The following GFRA2 variants were observed in gnomAD, a reference collection of about 807,000 sequenced individuals.
GFRA2 encodes GDNF family receptor alpha 2, also known as GDNF family receptor alpha-2.
GFRA2 carries 17 observed loss-of-function variants against 48.3 expected under a neutral mutation model. The observed-to-expected ratio is 0.35, with a 90% CI of 0.24 to 0.53. The LOEUF (loss-of-function observed/expected upper bound fraction) is 0.53, where lower values mean the gene tolerates loss of function less well. Among genes scored for constraint, GFRA2 ranks in the 20% least tolerant of loss-of-function variants. The pLI is 0.93. For synonymous variants in GFRA2, 305 were observed against 257.2 expected (o/e 1.19, Z -1.78); for missense variants, 660 against 637.3 (o/e 1.04, Z -0.38).
chr8:21,707,919 C>T (rs1802829462), intron 4 of GFRA2, among the ~76,000 whole-genome samples: 1 of 152,210 alleles, frequency 6.6e-6, no homozygotes, highest in African/African-American at 2.4e-5. Flanking sequence ...TCATTTAACC[C>T]TCACAAATGC....
At chr8:21,727,536 CG>C (rs1803934248) in intron 4 of GFRA2, among the ~76,000 whole-genome samples, 1 of 152,194 alleles carries the variant, frequency 6.6e-6, no homozygotes, top group African/African-American at 2.4e-5. Flanking sequence ...CTCCCCATCA[CG>C]GCCCCCCCCA....
chr8:21,714,246 C>CTTTTTTTTTTTTTTT (rs10674628), intron 4 of GFRA2, among the ~76,000 whole-genome samples: 9 of 78,402 alleles, frequency 1.1e-4, no homozygotes, highest in Non-Finnish European at 1.6e-4. Context: ...GTCTGAAGTT[C>CTTTTTTTTTTTTTTT]TTTTTTTTTT....
intron 8 of GFRA2, 50 bp downstream of exon 8, chr8:21,694,411 GCCC>G: frequency 6.5e-7 from 1 of 1,527,344 alleles, no homozygotes; most frequent in Non-Finnish European, 9.0e-7. Context: ...GGGAAATGCC[GCCC>G]CCCACCGGCC....
At position 21,703,021 on chromosome 8, in the gene GFRA2, G is replaced by A. The variant is rs370347582; in HGVS notation, c.1046-44C>T. ...CAGATGCAGAGAAGTCAGAACCCACGTCCGTCACTCCTGTCCCTGCTCCTC... is the reference window on the plus strand; with the variant it reads ...CAGATGCAGAGAAGTCAGAACCCACATCCGTCACTCCTGTCCCTGCTCCTC... On this transcript the variant is annotated intron_variant, in intron 6 of 8. Coordinates refer to ENST00000524240, the MANE Select transcript of GFRA2 (RefSeq NM_001495.5). 379 of 1,265,540 alleles carry A rather than the reference G, an allele frequency of 3.0e-4. 2 individuals carry two copies. Among genetic ancestry groups the A allele is most frequent in the Non-Finnish European group, 3.6e-4 (337 of 935,536 alleles). The allele number at this position is 1,265,540 out of a possible 1,614,324, so 78.4% of individuals were successfully genotyped here.
At chr8:21,722,577 T>C (rs768623800) in intron 4 of GFRA2, among the ~76,000 whole-genome samples, 7 of 152,148 alleles carry the variant, frequency 4.6e-5, no homozygotes, top group African/African-American at 1.7e-4. Flanking sequence ...GGAGAGAACA[T>C]GGGCCCTTGG....
At chr8:21,711,057 A>T in intron 4 of GFRA2, among the ~76,000 whole-genome samples, 1 of 152,062 alleles carries the variant, frequency 6.6e-6, no homozygotes, top group East Asian at 1.9e-4. Flanking sequence ...TCCAGCCATG[A>T]CCCCTCGCCC....
In GFRA2 at chr8:21,704,037, G is replaced by A. The variant is rs114706440; in HGVS notation, c.1045+948C>T. On this transcript the variant is annotated intron_variant, in intron 6 of 8. Coordinates refer to ENST00000524240, the MANE Select transcript of GFRA2 (RefSeq NM_001495.5). ...AAATGCCTCAGGCCTGCAAGGCCCT[G>A]CATGACAAGGATGCTATCTACCTGT... Among the ~76,000 whole-genome samples, 591 of 152,372 alleles carry A rather than the reference G, an allele frequency of 3.9e-3. 4 individuals carry two copies. Among genetic ancestry groups the A allele is most frequent in the African/African-American group, 0.014 (571 of 41,594 alleles).
intron 4 of GFRA2, among the ~76,000 whole-genome samples, chr8:21,728,100 C>T (rs1803972976): frequency 6.6e-6 from 1 of 151,976 alleles, no homozygotes; most frequent in Admixed American, 6.5e-5. Context: ...CCACAGGCCA[C>T]CACACAGCAC....
chr8:21,767,959 AG>A (rs1806259644), intron 3 of GFRA2, among the ~76,000 whole-genome samples: 4 of 18,702 alleles, frequency 2.1e-4, no homozygotes, highest in Admixed American at 5.6e-4. Flanking sequence ...TGGCGTTGAC[AG>A]AGAGAGAGAG....
Position 21,775,050 on chromosome 8 carries a change from C to G in GFRA2, c.361G>C (p.Glu121Gln). The G allele has an allele frequency of 6.4e-7, 1 of 1,565,710 alleles. No homozygotes were observed. Among genetic ancestry groups the G allele is most frequent in the East Asian group, 2.2e-5 (1 of 44,536 alleles). ...SIHLGLTEGE[E>Q]FYEASPYEPV... ...TCATAGGGGGAGGCTTCGTAGAACT[C>G]CTCACCTGGAAGACAGAACAGGCAT... is the stretch of plus-strand genomic sequence containing the variant. Residue 121 changes from glutamate to glutamine, a missense_variant, in exon 3 of 9, where the codon GAG becomes CAG. Coordinates refer to ENST00000524240, the MANE Select transcript of GFRA2 (RefSeq NM_001495.5).
At chr8:21,787,697 C>T (rs779467447) in intron 1 of GFRA2, among the ~76,000 whole-genome samples, 6 of 152,266 alleles carry the variant, frequency 3.9e-5, no homozygotes, top group Non-Finnish European at 7.3e-5. Context: ...GAAAGGCGGA[C>T]CCCGCAGGAC....
At chr8:21,724,116 G>C (rs1349422906) in intron 4 of GFRA2, among the ~76,000 whole-genome samples, 3 of 152,270 alleles carry the variant, frequency 2.0e-5, no homozygotes, top group Admixed American at 1.3e-4. Context: ...GAGTGAACCA[G>C]GATGACTACC....
intron 4 of GFRA2, among the ~76,000 whole-genome samples, chr8:21,740,985 G>A (rs948944202): frequency 1.1e-4 from 17 of 152,308 alleles, no homozygotes; most frequent in African/African-American, 4.1e-4. Context: ...GGGCTGAGTG[G>A]CCATCATCTC....
At chr8:21,804,200 G>GCACACACACACACACACA (rs146613602) in intron 2 of GFRA2, among the ~76,000 whole-genome samples, 3 of 145,048 alleles carry the variant, frequency 2.1e-5, no homozygotes, top group Non-Finnish European at 4.6e-5. Context: ...ATACATACAT[G>GCACACACACACACACACA]CACACACACA....
intron 4 of GFRA2, among the ~76,000 whole-genome samples, chr8:21,714,300 G>A (rs1803226243): frequency 8.4e-6 from 1 of 119,380 alleles, no homozygotes; most frequent in Non-Finnish European, 1.6e-5. Context: ...CGCCAAGGCT[G>A]GGCAGTGGCA....
intron 7 of GFRA2, among the ~76,000 whole-genome samples, chr8:21,702,035 C>A (rs1802506975): frequency 6.6e-6 from 1 of 152,182 alleles, no homozygotes. Context: ...GTCTGGAGGA[C>A]CTGACAGATG....
Position 21,704,995 on chromosome 8 carries a change from G to A in GFRA2, c.1035C>T (p.Asn345=). The A allele has an allele frequency of 1.2e-6, 2 of 1,610,338 alleles. No homozygotes were observed. Among genetic ancestry groups the A allele is most frequent in the Non-Finnish European group, 1.7e-6 (2 of 1,178,804 alleles). The part of the protein sequence containing the change: ...CEKFLRDFTE[N]PCLRNAIQAF... ...ACATCCAGAACTTACGGAGGCATGG[G>A]TTCTCGGTGAAGTCCCTGAGGAACT... The change falls in exon 6 of 9, where the codon AAC becomes AAT. Residue 345 remains asparagine, a synonymous_variant. Transcript: ENST00000524240.
At chr8:21,757,506 C>CTTTT (rs5889999) in intron 3 of GFRA2, among the ~76,000 whole-genome samples, 3 of 145,736 alleles carry the variant, frequency 2.1e-5, no homozygotes, top group Admixed American at 6.7e-5. Flanking sequence ...TTCCTTAATC[C>CTTTT]TTTTTTTTGA....
rs562740928 is a variant in GFRA2, at chr8:21,808,403, G to GC, written c.-147-3276dup. Among the ~76,000 whole-genome samples, 6 of 152,300 alleles carry GC rather than the reference G, an allele frequency of 3.9e-5. No individual in the cohort carries two copies. The South Asian group carries it at 1.2e-3, about 32-fold the overall frequency. On this transcript the variant is annotated intron_variant, in intron 1 of 10. Transcript: ENST00000517328. ...AGTCTCATTTTATCCTTCCAGCATT[G>GC]CTATGATGGAGGAGGGTTGTTATGA...
Sources: allele counts gnomAD v4.1 joint callset (sites outside exome capture counted in the v4.1 genomes callset), GRCh38; gene constraint gnomAD v4.1.1; transcripts MANE v1.5; gene names NCBI Gene and HGNC (gene_info 2026-07-23, HGNC 2026-07-21).